The following ATP7B variants were observed in gnomAD, a reference collection of about 807,000 sequenced individuals.
ATP7B encodes the protein copper-transporting ATPase 2.
A neutral mutation model predicts 118.9 loss-of-function variants in ATP7B; 113 were observed. That is an observed-to-expected ratio of 0.95 (90% CI 0.82 to 1.11). The LOEUF (loss-of-function observed/expected upper bound fraction) is 1.11, where lower values mean the gene tolerates loss of function less well. Among genes scored for constraint, ATP7B ranks in the 50% most tolerant of loss-of-function variants. The probability of loss-of-function intolerance (pLI) is 0.00; values close to 1 mark genes in which losing one functional copy is unlikely to be tolerated. For missense variants in ATP7B, 1,867 were observed against 1,871.4 expected (o/e 1.00, Z 0.04); for synonymous variants, 777 against 727.4 (o/e 1.07, Z -1.10).
chr13:52,007,831 TA>T (rs1450243883), intron 1 of ATP7B, among the ~76,000 whole-genome samples: 1 of 152,196 alleles, frequency 6.6e-6, no homozygotes, highest in Non-Finnish European at 1.5e-5. Flanking sequence ...GAAAGCACTT[TA>T]TTTAATATCA....
At chr13:51,978,800 C>A (rs1952253701) in intron 1 of ATP7B, 1 of 152,204 alleles carries the variant, frequency 6.6e-6, no homozygotes, top group African/African-American at 2.4e-5. Context: ...AACTTTAGTA[C>A]ATTACTAGCA....
rs764441090 is a variant in ATP7B, at chr13:51,960,241, G to A, written c.2028C>T (p.Asn676=). 90 of 1,613,816 alleles carry A rather than the reference G, an allele frequency of 5.6e-5. No homozygotes were observed. The East Asian group carries it at 6.7e-4, about 12-fold the overall frequency. ...CCAGGACCATGGACTGGTGGGGCTCGTTGCTGGGTATCAGCATATAGATCA... is the reference window on the plus strand; with the variant it reads ...CCAGGACCATGGACTGGTGGGGCTCATTGCTGGGTATCAGCATATAGATCA... ...ALMIYMLIPS[N]EPHQSMVLDH... The change falls in exon 7 of 21, where the codon AAC becomes AAT. Residue 676 remains asparagine (N), a synonymous_variant. Transcript: ENST00000242839.
intron 13 of ATP7B, among the ~76,000 whole-genome samples, chr13:51,944,876 C>G (rs1957552106): frequency 6.6e-6 from 1 of 152,196 alleles, no homozygotes; most frequent in African/African-American, 2.4e-5. Context: ...TGGGCAGCAG[C>G]TACATTCAGG....
chr13:51,979,221 C>T (rs987883927), intron 1 of ATP7B, among the ~76,000 whole-genome samples: 10 of 152,198 alleles, frequency 6.6e-5, no homozygotes, highest in African/African-American at 1.7e-4. Flanking sequence ...AGGAATTACA[C>T]GGAGCTTGAA....
chr13:51,969,331 A>T (rs906971906), intron 3 of ATP7B, among the ~76,000 whole-genome samples: 5 of 152,004 alleles, frequency 3.3e-5, no homozygotes, highest in African/African-American at 1.2e-4. Context: ...GGTGATGCTC[A>T]TGCTGCCTGC....
intron 1 of ATP7B, among the ~76,000 whole-genome samples, chr13:51,999,850 G>A (rs575849949): frequency 7.9e-5 from 12 of 152,284 alleles, no homozygotes; most frequent in South Asian, 2.1e-4. Context: ...CTCCGAGACA[G>A]TGGTCCTATC....
At chr13:51,983,189 A>G (rs1050216483) in intron 1 of ATP7B, among the ~76,000 whole-genome samples, 20 of 152,136 alleles carry the variant, frequency 1.3e-4, no homozygotes, top group African/African-American at 4.3e-4. Context: ...TGCCAGCACA[A>G]CAGTCTGAAA....
chr13:51,946,029 A>T (rs2139034993), intron 13 of ATP7B, among the ~76,000 whole-genome samples: 1 of 152,354 alleles, frequency 6.6e-6, no homozygotes, highest in East Asian at 1.9e-4. Flanking sequence ...CCTCATCTGT[A>T]AAATGGGAAT....
chr13:51,989,498 G>A (rs1481495242), intron 1 of ATP7B, among the ~76,000 whole-genome samples: 1 of 150,758 alleles, frequency 6.6e-6, no homozygotes, highest in Non-Finnish European at 1.5e-5. Context: ...AACCCTTACT[G>A]AGAAACAAAA....
In ATP7B at chr13:51,968,594, C is replaced by T. The variant is rs2139897244; in HGVS notation, c.1557G>A (p.Val519=). 1 of 1,614,180 alleles carries T rather than the reference C, an allele frequency of 6.2e-7. No individual in the cohort carries two copies. Among genetic ancestry groups the T allele is most frequent in the South Asian group, 1.1e-5 (1 of 91,082 alleles). ...CCTTTCCTGCCATCAAGGCAACCAA[C>T]ACGGAGAGAACACCTGGAACCATCA... ...NLQKEAGVLS[V]LVALMAGKAE... The change falls in exon 4 of 21, where the codon GTG becomes GTA. Residue 519 remains valine, a synonymous_variant. Coordinates refer to ENST00000242839, the MANE Select transcript of ATP7B (RefSeq NM_000053.4).
intron 19 of ATP7B, among the ~76,000 whole-genome samples, chr13:51,936,864 A>G (rs1956996271): frequency 6.6e-6 from 1 of 152,208 alleles, no homozygotes; most frequent in Non-Finnish European, 1.5e-5. Context: ...TGTGTAACTC[A>G]GAGTGAAACT....
chr13:51,987,888 C>CG (rs1952733671), intron 1 of ATP7B, among the ~76,000 whole-genome samples: 1 of 152,200 alleles, frequency 6.6e-6, no homozygotes, highest in African/African-American at 2.4e-5. Context: ...CCCTTCCTTA[C>CG]ACCTTACACA....
Position 51,967,064 on chromosome 13 carries a change from C to G in ATP7B, c.1707+1380G>C, listed in dbSNP as rs1593760557. ...TGGGATGGGAAGGAAAGCACAATAACAAGAAAATTGAAAGATGGGAAATTA... is the reference window on the plus strand; with the variant it reads ...TGGGATGGGAAGGAAAGCACAATAAGAAGAAAATTGAAAGATGGGAAATTA... On this transcript the variant is annotated intron_variant, in intron 4 of 20. Coordinates refer to ENST00000242839, the MANE Select transcript of ATP7B (RefSeq NM_000053.4). The G allele has an allele frequency of 1.1e-5, 18 of 1,605,192 alleles. 1 individual carries two copies. Among genetic ancestry groups the G allele is most frequent in the East Asian group, 6.7e-5 (3 of 44,854 alleles).
At chr13:51,965,674 T>C (rs1268303345) in intron 4 of ATP7B, among the ~76,000 whole-genome samples, 1 of 152,158 alleles carries the variant, frequency 6.6e-6, no homozygotes, top group Non-Finnish European at 1.5e-5. Flanking sequence ...TAGCATGATG[T>C]ATTCAGGCAA....
At chr13:51,941,533 A>T (rs1447128468) in intron 15 of ATP7B, among the ~76,000 whole-genome samples, 1 of 152,212 alleles carries the variant, frequency 6.6e-6, no homozygotes, top group African/African-American at 2.4e-5. Flanking sequence ...CTTTTTCTGC[A>T]GGGATTAGAA....
chr13:51,963,093 A>G (rs1378828645), intron 5 of ATP7B, among the ~76,000 whole-genome samples: 1 of 144,236 alleles, frequency 6.9e-6, no homozygotes, highest in African/African-American at 2.6e-5. Flanking sequence ...ACACCAACTC[A>G]AAAAAAAAAA....
chr13:51,932,974 G>T lies in ATP7B; in HGVS notation c.*1782C>A, dbSNP rs928169. On this transcript the variant is annotated 3_prime_UTR_variant, in exon 21 of 21. Transcript: ENST00000242839. ...GCGGAAATGTGCTGCGGGCTGGAGT[G>T]GGGGGGCTGAAAACAAGGAAAACAC... 2.0e-5 allele frequency: 3 copies of T among 151,928 alleles called. No individual in the cohort carries two copies. Among genetic ancestry groups the T allele is most frequent in the African/African-American group, 4.8e-5 (2 of 41,392 alleles). 9.4% of individuals were successfully genotyped at this position (151,928 alleles called of 1,614,324 possible). A position where few individuals can be genotyped will look rare whatever the true frequency, so the allele number is the denominator to read the frequency against.
Position 51,974,311 on chromosome 13 carries a change from A to C in ATP7B, c.909T>G (p.Pro303=), listed in dbSNP as rs1341159981. 4.3e-6 allele frequency: 7 copies of C among 1,614,000 alleles called. No individual in the cohort carries two copies. Among genetic ancestry groups the C allele is most frequent in the Non-Finnish European group, 5.9e-6 (7 of 1,180,034 alleles). ...ENKTAQVKYD[P]SCTSPVALQR... The stretch of plus-strand genomic sequence containing the variant: ...GCAGAGCCACTGGGCTGGTACAAGA[A>C]GGGTCATACTTTACTTGGGCAGTTT... The change falls in exon 2 of 21, where the codon CCT becomes CCG. Residue 303 remains proline, a synonymous_variant. Transcript: ENST00000242839.
At chr13:51,948,845 T>A (rs1306294260) in intron 12 of ATP7B, among the ~76,000 whole-genome samples, 2 of 152,196 alleles carry the variant, frequency 1.3e-5, no homozygotes, top group African/African-American at 4.8e-5. Context: ...TATATTCCAT[T>A]GCCTCACATA....
Sources: gnomAD v4.1 joint callset for allele counts (sites outside exome capture counted in the v4.1 genomes callset) on GRCh38, gnomAD v4.1.1 for gene constraint, MANE v1.5 for transcripts, NCBI Gene and HGNC (gene_info 2026-07-23, HGNC 2026-07-21) for gene names.